BRCA2: variants seen among roughly 807,000 people sequenced by gnomAD.
The protein encoded by BRCA2 is breast cancer type 2 susceptibility protein.
BRCA2 carries 203 observed loss-of-function variants against 276.7 expected under a neutral mutation model. The ratio of observed to expected loss-of-function variants is 0.73; its 90% CI spans 0.65 to 0.82. The LOEUF (loss-of-function observed/expected upper bound fraction) is 0.82, where lower values mean the gene tolerates loss of function less well. BRCA2 is among the 40% of genes least tolerant of loss of function. The pLI is 0.00. For missense variants in BRCA2, 3,920 were observed against 3,915.0 expected, an observed-to-expected ratio of 1.00 and a Z score of -0.03; for synonymous variants, 1,289 against 1,338.4, an observed-to-expected ratio of 0.96 and a Z score of 0.81.
At chr13:32,344,465 A>G (rs1414791686) in intron 11 of BRCA2, 93 bp from the exon 12 acceptor site, 5 of 772,000 alleles carry the variant, frequency 6.5e-6, no homozygotes, top group African/African-American at 3.5e-5. Context: ...TAAAGAGTCA[A>G]TACTTTAGCT....
At position 32,339,601 on chromosome 13, in the gene BRCA2, A is replaced by G. The variant is rs55828982; in HGVS notation, c.5246A>G (p.Tyr1749Cys). 1.9e-6 allele frequency: 3 copies of G among 1,611,560 alleles called. No individual in the cohort carries two copies. The South Asian group carries it at 3.3e-5, about 18-fold the overall frequency. ...AGTAACAGTAGCATGTCTAACAGCT[A>G]TTCCTACCATTCTGATGAGGTATAT... Reference protein sequence around the residue: ...YLSNSSMSNSYSYHSDEVYND... With the variant: ...YLSNSSMSNSCSYHSDEVYND... The change falls in exon 11 of 27, where the codon TAT (tyrosine) becomes TGT (cysteine). Residue 1749 changes from tyrosine to cysteine, a missense_variant. Tyr to Cys is a radical substitution (Grantham distance 194). Coordinates refer to ENST00000380152, the MANE Select transcript of BRCA2 (RefSeq NM_000059.4).
chr13:32,368,341 C>T (rs1194883517), intron 18 of BRCA2, among the ~76,000 whole-genome samples: 3 of 151,886 alleles, frequency 2.0e-5, no homozygotes, highest in African/African-American at 7.3e-5. Context: ...CCCTTTTCTT[C>T]TAGTTCTTAA....
Position 32,340,703 on chromosome 13 carries a change from C to G in BRCA2, c.6348C>G (p.His2116Gln), listed in dbSNP as rs1215865818. 6.2e-7 allele frequency: 1 copy of G among 1,609,346 alleles called. No homozygotes were observed. The highest frequency in any genetic ancestry group is 8.5e-7 in the Non-Finnish European group (1 of 1,178,960). The change falls in exon 11 of 27, where the codon CAC becomes CAG. Residue 2116 changes from histidine to glutamine, a missense_variant. By Grantham distance (24) the His-to-Gln change is conservative (BLOSUM62 0). Around this residue, in one of 2 missense-constraint regions of BRCA2, gnomAD observed 3,263 missense variants for 3,156.9 expected, o/e 1.03. Coordinates refer to ENST00000380152, the MANE Select transcript of BRCA2 (RefSeq NM_000059.4). ...LPRVDKRNPEHCVNSEMEKTC... is the reference protein window; with the variant it reads ...LPRVDKRNPEQCVNSEMEKTC... ...GTGTTGATAAGAGAAACCCAGAGCACTGTGTAAACTCAGAAATGGAAAAAA... is the reference window on the plus strand; with the variant it reads ...GTGTTGATAAGAGAAACCCAGAGCAGTGTGTAAACTCAGAAATGGAAAAAA...
intron 18 of BRCA2, 63 bp downstream of exon 18, chr13:32,363,596 A>G (rs2137583417): frequency 6.9e-6 from 10 of 1,444,874 alleles, no homozygotes; most frequent in Non-Finnish European, 8.6e-6. Context: ...TAGAAGTTTT[A>G]CATTTAAATT....
Position 32,337,191 on chromosome 13 carries a change from G to T in BRCA2, c.2836G>T (p.Asp946Tyr), listed in dbSNP as rs80358534. 1.2e-6 allele frequency: 2 copies of T among 1,613,672 alleles called. No homozygotes were observed. The highest frequency in any genetic ancestry group is 1.1e-5 in the South Asian group (1 of 91,002). ...AGCAACCCAAGTGTCAATTAAAAAA[G>T]ATTTGGTTTATGTTCTTGCAGAGGA... Reference protein sequence around the residue: ...KQATQVSIKKDLVYVLAEENK... With the variant: ...KQATQVSIKKYLVYVLAEENK... Residue 946 changes from aspartate to tyrosine, a missense_variant, in exon 11 of 27, where the codon GAT becomes TAT. Around this residue, in one of 2 missense-constraint regions of BRCA2, gnomAD observed 3,263 missense variants for 3,156.9 expected, o/e 1.03. Transcript: ENST00000380152.
rs982587468 is a variant in BRCA2, at chr13:32,339,455, T to C, written c.5100T>C (p.Gly1700=). ...KKWLREGIFD[G]QPERINTADY... is the part of the protein sequence containing the mutation. ...GGCTTAGAGAAGGAATATTTGATGGTCAACCAGAAAGAATAAATACTGCAG... is the reference window on the plus strand; with the variant it reads ...GGCTTAGAGAAGGAATATTTGATGGCCAACCAGAAAGAATAAATACTGCAG... Residue 1700 remains glycine, a synonymous_variant, in exon 11 of 27, where the codon GGT becomes GGC. Coordinates refer to ENST00000380152, the MANE Select transcript of BRCA2 (RefSeq NM_000059.4). 6.3e-7 allele frequency: 1 copy of C among 1,588,042 alleles called. No homozygotes were observed. The highest frequency in any genetic ancestry group is 1.4e-5 in the African/African-American group (1 of 73,714).
At position 32,318,955 on chromosome 13, in the gene BRCA2, T is replaced by C. The variant is rs566846890; in HGVS notation, c.68-122T>C. On this transcript the variant is annotated intron_variant, in intron 2 of 26. Transcript: ENST00000380152. ...AATGATCTTGTTTAATTAATATGCC[T>C]TAACAAAAGTAATCCATAGTCAAGA... 3.0e-6 allele frequency: 4 copies of C among 1,344,126 alleles called. No homozygotes were observed. In the African/African-American group the frequency reaches 5.9e-5, roughly 20 times the overall value. 83.3% of individuals were successfully genotyped at this position (1,344,126 alleles called of 1,614,324 possible). A position where few individuals can be genotyped will look rare whatever the true frequency, so the allele number is the denominator to read the frequency against.
intron 16 of BRCA2, among the ~76,000 whole-genome samples, chr13:32,359,222 G>GCAAAA (rs2072722347): frequency 9.3e-6 from 1 of 107,430 alleles, no homozygotes; most frequent in Non-Finnish European, 1.8e-5. Flanking sequence ...TCCATCTCAA[G>GCAAAA]AAAAAAAAAA....
At chr13:32,380,847 A>G (rs894751382) in intron 24 of BRCA2, among the ~76,000 whole-genome samples, 2 of 152,082 alleles carry the variant, frequency 1.3e-5, no homozygotes, top group African/African-American at 4.8e-5. Context: ...GCCAGAGTCA[A>G]GCTTTTATTT....
chr13:32,316,611 C>T, intron 2 of BRCA2, 84 bp downstream of exon 2: 1 of 1,184,674 alleles, frequency 8.4e-7, no homozygotes, highest in Non-Finnish European at 1.2e-6. Context: ...CAGTACGTCA[C>T]AGTGTTGCTT....
chr13:32,349,976 A>G (rs970750560), intron 13 of BRCA2, among the ~76,000 whole-genome samples: 2 of 152,198 alleles, frequency 1.3e-5, no homozygotes, highest in African/African-American at 4.8e-5. Flanking sequence ...ACTTGAAAGC[A>G]AGAAGAAGTT....
intron 24 of BRCA2, among the ~76,000 whole-genome samples, chr13:32,383,132 G>T (rs2072935704): frequency 1.3e-5 from 2 of 152,202 alleles, no homozygotes; most frequent in African/African-American, 4.8e-5. Context: ...AGGCCAAGGT[G>T]GGTGGATCAC....
At chr13:32,392,189 C>T (rs2073001261) in intron 24 of BRCA2, among the ~76,000 whole-genome samples, 1 of 152,106 alleles carries the variant, frequency 6.6e-6, no homozygotes, top group African/African-American at 2.4e-5. Flanking sequence ...ATAGAATAAA[C>T]AAATCCTTAT....
rs752351454 is a variant in BRCA2, at chr13:32,362,670, G to T, written c.7953G>T (p.Arg2651Ser). Residue 2651 changes from arginine to serine, a missense_variant, in exon 17 of 27, where the codon AGG (arginine) becomes AGT (serine). By Grantham distance (110) the Arg-to-Ser change is moderately radical (BLOSUM62 -1). This residue lies in a region of BRCA2 where 3,263 missense variants were observed against 3,156.9 expected (regional missense o/e 1.03). Coordinates refer to ENST00000380152, the MANE Select transcript of BRCA2 (RefSeq NM_000059.4). ...EFANRCLSPE[R>S]VLLQLKYRYD... ...CTAATAGATGCCTAAGCCCAGAAAG[G>T]GTGCTTCTTCAACTAAAATACAGGC... The T allele has an allele frequency of 4.3e-6, 7 of 1,614,098 alleles. No individual in the cohort carries two copies. The highest frequency in any genetic ancestry group is 4.2e-6 in the Non-Finnish European group (5 of 1,180,012).
At chr13:32,387,762 C>CT (rs894608103) in intron 24 of BRCA2, among the ~76,000 whole-genome samples, 1 of 152,176 alleles carries the variant, frequency 6.6e-6, no homozygotes, top group African/African-American at 2.4e-5. Flanking sequence ...AGTCTTTGAT[C>CT]TTTCTTATAA....
rs276174885 is a variant in BRCA2 at position 32,344,526 on chromosome 13, CTTAAAAACATATATGAAATATTTCTTTT to C, written c.6842-30_6842-3del. ...GAGAAATAAAACTGATATTATTTGC[CTTAAAAACATATATGAAATATTTCTTTT>C]TAGGAGAACCCTCAATCAAAAGAAA... is the stretch of plus-strand genomic sequence containing the variant. On this transcript the variant is annotated splice_polypyrimidine_tract_variant and splice_region_variant and intron_variant, in intron 11 of 26. Coordinates refer to ENST00000380152, the MANE Select transcript of BRCA2 (RefSeq NM_000059.4). 2.9e-6 allele frequency: 4 copies of C among 1,393,008 alleles called. No individual in the cohort carries two copies. The highest frequency in any genetic ancestry group is 4.0e-6 in the Non-Finnish European group (4 of 991,058). 86.3% of individuals were successfully genotyped at this position (1,393,008 alleles called of 1,614,324 possible). A position where few individuals can be genotyped will look rare whatever the true frequency, so the allele number is the denominator to read the frequency against.
chr13:32,384,835 A>G (rs2072947811), intron 24 of BRCA2: 1 of 280,090 alleles, frequency 3.6e-6, no homozygotes, highest in Non-Finnish European at 7.6e-6. Context: ...TACACAACCT[A>G]CTAGCCTATG....
At position 32,331,161 on chromosome 13, in the gene BRCA2, C is replaced by T; in HGVS notation, c.793+131C>T. ...GCAACCTCTGCCTCCCGTGCTCAAG[C>T]GATCCTGCCTCAGCTTGCCAAGTAG... On this transcript the variant is annotated intron_variant, in intron 9 of 26. Transcript: ENST00000380152. 7 of 678,860 alleles carry T rather than the reference C, an allele frequency of 1.0e-5. 1 individual carries two copies. Among genetic ancestry groups the T allele is most frequent in the South Asian group, 3.4e-5 (2 of 59,470 alleles). 42.1% of individuals were successfully genotyped at this position (678,860 alleles called of 1,614,324 possible).
rs786203494 is a variant in BRCA2, at chr13:32,339,266, T to TA, written c.4914dup (p.Val1639SerfsTer3). On this transcript the variant is annotated frameshift_variant, in exon 11 of 27. Coordinates refer to ENST00000380152, the MANE Select transcript of BRCA2 (RefSeq NM_000059.4). LOFTEE classifies it high-confidence loss of function. ...CATCAAAAAGTATCTTTTTGAAAGT[T>TA]AAAGTACATGAAAATGTAGAAAAAG... is the stretch of plus-strand genomic sequence containing the variant. 2.5e-6 allele frequency: 4 copies of TA among 1,611,902 alleles called. No individual in the cohort carries two copies. Among genetic ancestry groups the TA allele is most frequent in the South Asian group, 1.1e-5 (1 of 90,430 alleles).
Sources: gnomAD v4.1 joint callset for allele counts (sites outside exome capture counted in the v4.1 genomes callset) on GRCh38, gnomAD v4.1.1 for gene constraint, gnomAD v4.1.1 regional missense constraint, MANE v1.5 for transcripts, NCBI Gene and HGNC (gene_info 2026-07-23, HGNC 2026-07-21) for gene names.